Variants in SFI1 observed in about 807,000 individuals in gnomAD.
SFI1 encodes the protein SFI1 centrin binding protein.
A neutral mutation model predicts 207.5 loss-of-function variants in SFI1; 195 were observed. The ratio of observed to expected loss-of-function variants is 0.94; its 90% confidence interval spans 0.84 to 1.06. The LOEUF (loss-of-function observed/expected upper bound fraction) is 1.06, where lower values mean the gene tolerates loss of function less well. Ranked by LOEUF, SFI1 falls within the 50% of genes least tolerant of loss-of-function variation. SFI1 has a pLI of 0.00. For missense variants in SFI1, 1,634 were observed against 1,588.0 expected (o/e 1.03, Z -0.49); for synonymous variants, 630 against 598.9 (o/e 1.05, Z -0.76).
chr22:31,499,067 T>G (rs1419193480), intron 1 of SFI1, among the ~76,000 whole-genome samples: 4 of 152,010 alleles, frequency 2.6e-5, no homozygotes, highest in Non-Finnish European at 5.9e-5. Flanking sequence ...TGGAGTGCAG[T>G]GGTGATCATG....
At chr22:31,503,237 G>A (rs1460599430) in intron 1 of SFI1, among the ~76,000 whole-genome samples, 1 of 152,008 alleles carries the variant, frequency 6.6e-6, no homozygotes, top group Non-Finnish European at 1.5e-5. Flanking sequence ...ATTGTTTTCT[G>A]AGAAGACTTT....
chr22:31,567,360 CAG>C (rs984919430), intron 8 of SFI1, among the ~76,000 whole-genome samples: 18 of 152,234 alleles, frequency 1.2e-4, no homozygotes, highest in African/African-American at 4.3e-4. Flanking sequence ...TATGAGGTAA[CAG>C]GGAGCCAGAA....
At chr22:31,585,007 C>A (rs1180375268) in intron 13 of SFI1, 61 bp from the exon 14 acceptor site, 1 of 1,502,802 alleles carries the variant, frequency 6.7e-7, no homozygotes, top group Non-Finnish European at 9.2e-7. Flanking sequence ...CCGCAATTTA[C>A]CTGCCTTAAA....
chr22:31,521,245 A>C lies in SFI1; in HGVS notation c.93-7445A>C, dbSNP rs539561479. The C allele has an allele frequency of 1.3e-3, 241 of 184,630 alleles. 1 individual carries two copies. The highest frequency in any genetic ancestry group is 0.01 in the South Asian group (74 of 7,350). The allele number at this position is 184,630 out of a possible 1,614,324, so 11.4% of individuals were successfully genotyped here. Reference sequence around the variant, plus strand: ...TTTCTTCCCAATCAGAGACTTGCGAATGTGTGGAATGACACCATCACCAGC... The same window carrying C: ...TTTCTTCCCAATCAGAGACTTGCGACTGTGTGGAATGACACCATCACCAGC... On this transcript the variant is annotated intron_variant, in intron 2 of 32. Coordinates refer to ENST00000400288, the MANE Select transcript of SFI1 (RefSeq NM_001007467.3).
At chr22:31,517,846 G>A (rs1409508044) in intron 2 of SFI1, among the ~76,000 whole-genome samples, 2 of 152,058 alleles carry the variant, frequency 1.3e-5, no homozygotes, top group African/African-American at 4.8e-5. Flanking sequence ...GTAGCCTTGC[G>A]ATAAGCCTGA....
chr22:31,612,064 C>T (rs761647205), intron 24 of SFI1: 63 of 1,305,732 alleles, frequency 4.8e-5, no homozygotes, highest in Non-Finnish European at 5.9e-5. Flanking sequence ...GTTTCTCTCT[C>T]TACAGTGTTG....
chr22:31,600,531 C>A (rs903173336), intron 15 of SFI1, among the ~76,000 whole-genome samples: 1 of 152,240 alleles, frequency 6.6e-6, no homozygotes, highest in Non-Finnish European at 1.5e-5. Flanking sequence ...TCCAGGCCCT[C>A]ATCTGAGGAC....
intron 15 of SFI1, among the ~76,000 whole-genome samples, chr22:31,595,226 G>T (rs2066925123): frequency 6.6e-6 from 1 of 152,174 alleles, no homozygotes; most frequent in South Asian, 2.1e-4. Flanking sequence ...TCGAACTCCT[G>T]ACCTCGTGAT....
intron 1 of SFI1, among the ~76,000 whole-genome samples, chr22:31,496,974 C>T (rs1279429464): frequency 6.6e-6 from 1 of 152,214 alleles, no homozygotes; most frequent in African/African-American, 2.4e-5. Flanking sequence ...TGCCCCTTAG[C>T]GTGCGCGGAT....
intron 4 of SFI1, among the ~76,000 whole-genome samples, chr22:31,545,574 A>AATTTTATTTT (rs796805483): frequency 0.037 from 4,883 of 130,998 alleles, 88 homozygotes; most frequent in African/African-American, 0.057. Context: ...AATTTAATTT[A>AATTTTATTTT]ATTTAATTTA....
intron 6 of SFI1, among the ~76,000 whole-genome samples, chr22:31,554,356 T>G (rs2060950189): frequency 6.6e-6 from 1 of 152,202 alleles, no homozygotes; most frequent in South Asian, 2.1e-4. Flanking sequence ...TTGCCCAGGC[T>G]GGAGTGCAGT....
chr22:31,520,286 T>C (rs1398527479), intron 2 of SFI1, among the ~76,000 whole-genome samples: 2 of 152,118 alleles, frequency 1.3e-5, no homozygotes, highest in Non-Finnish European at 2.9e-5. Context: ...TGGTAATTAC[T>C]TTCTCACTTT....
At chr22:31,540,581 A>G (rs1199349575) in intron 4 of SFI1, among the ~76,000 whole-genome samples, 1 of 142,840 alleles carries the variant, frequency 7.0e-6, no homozygotes, top group Non-Finnish European at 1.5e-5. Context: ...CGCCCAGCCT[A>G]CATTTTTTTT....
rs1007264884 is a variant in SFI1, at chr22:31,523,901, G to A, written c.93-4789G>A. Among the ~76,000 whole-genome samples, 4 of 149,130 alleles carry A rather than the reference G, an allele frequency of 2.7e-5. No individual in the cohort carries two copies. The East Asian group carries it at 7.9e-4, about 29-fold the overall frequency. On this transcript the variant is annotated intron_variant, in intron 2 of 32. Transcript: ENST00000400288. ...CTTGTAGATTAAGCAAGTGATTTTT[G>A]TATTAAACCTAAGTTGCAACAATAG... is the stretch of plus-strand genomic sequence containing the variant.
chr22:31,611,103 A>G (rs1230280540), intron 22 of SFI1, 40 bp from the exon 23 acceptor site: 1 of 1,613,990 alleles, frequency 6.2e-7, no homozygotes, highest in East Asian at 2.2e-5. Context: ...ACTGGTGGAA[A>G]TCCCACAAAA....
intron 8 of SFI1, among the ~76,000 whole-genome samples, chr22:31,570,820 G>A (rs974118999): frequency 1.3e-4 from 20 of 152,136 alleles, no homozygotes; most frequent in Admixed American, 8.5e-4. Context: ...CTGAGCCTGC[G>A]AGGTGCACAG....
intron 1 of SFI1, among the ~76,000 whole-genome samples, chr22:31,497,745 C>A (rs9609297): frequency 0.23 from 34,912 of 151,990 alleles, 4,758 homozygotes; most frequent in East Asian, 0.44. Context: ...CCACACATCT[C>A]TTTACTGAAT....
chr22:31,612,398 A>ATATATATATATATATAT (rs1411274365), intron 24 of SFI1: 1 of 60,202 alleles, frequency 1.7e-5, no homozygotes, highest in African/African-American at 6.6e-5. Context: ...AAAAAAAAAA[A>ATATATATATATATATAT]ATATATATAT....
chr22:31,591,444 G>A (rs909329905), intron 15 of SFI1, among the ~76,000 whole-genome samples: 4 of 152,020 alleles, frequency 2.6e-5, no homozygotes, highest in Non-Finnish European at 5.9e-5. Context: ...CCACAAAGCC[G>A]CCATTGTCAT....
Sources: gnomAD v4.1 joint callset for allele counts (sites outside exome capture counted in the v4.1 genomes callset) on GRCh38, gnomAD v4.1.1 for gene constraint, MANE v1.5 for transcripts, NCBI Gene and HGNC (gene_info 2026-07-23, HGNC 2026-07-21) for gene names.